PCDHA6: variants seen among roughly 807,000 people sequenced by gnomAD.
PCDHA6 encodes protocadherin alpha-6.
In PCDHA6, 55 loss-of-function variants were observed where a neutral mutation model predicts 60.3. The observed-to-expected ratio is 0.91, with a 90% CI of 0.73 to 1.14. The LOEUF is 1.14. Among genes scored for constraint, PCDHA6 ranks in the 50% most tolerant of loss-of-function variants. The pLI is 0.00. For missense variants in PCDHA6, 1,327 were observed against 1,256.5 expected (o/e 1.06, Z -0.85); for synonymous variants, 652 against 557.9 (o/e 1.17, Z -2.38).
At position 140,876,752 on chromosome 5, in the gene PCDHA6, C is replaced by G. The variant is rs374137138; in HGVS notation, c.2394+46267C>G. On this transcript the variant is annotated intron_variant, in intron 1 of 3. Coordinates refer to ENST00000529310, the MANE Select transcript of PCDHA6 (RefSeq NM_018909.4). ...TCGGCCTATGAGCTGGTGGTGACTGCGCGGGATGGGGGCTCGCCTTCGCTG... is the reference window on the plus strand; with the variant it reads ...TCGGCCTATGAGCTGGTGGTGACTGGGCGGGATGGGGGCTCGCCTTCGCTG... 1.4e-5 allele frequency: 23 copies of G among 1,614,194 alleles called. No homozygotes were observed. The African/African-American group carries it at 2.8e-4, about 20-fold the overall frequency.
At position 140,835,897 on chromosome 5, in the gene PCDHA6, C is replaced by G. The variant is rs2150247732; in HGVS notation, c.2394+5412C>G. The G allele has an allele frequency of 2.6e-5, 42 of 1,611,960 alleles. No homozygotes were observed. Among genetic ancestry groups the G allele is most frequent in the Middle Eastern group, 4.0e-4 (2 of 4,944 alleles). On this transcript the variant is annotated intron_variant, in intron 1 of 3. Coordinates refer to ENST00000529310, the MANE Select transcript of PCDHA6 (RefSeq NM_018909.4). ...CTGCGGGTGGGCGAGCGCGCGCTGT[C>G]GAGCTACGTGTCAGTGCACGCGGAG...
intron 1 of PCDHA6, among the ~76,000 whole-genome samples, chr5:140,958,652 G>C (rs991773774): frequency 6.6e-6 from 1 of 152,030 alleles, no homozygotes; most frequent in East Asian, 1.9e-4. Context: ...ATCACAGAAA[G>C]CTATGATGAA....
At chr5:140,903,616 T>C (rs1053634742) in intron 1 of PCDHA6, among the ~76,000 whole-genome samples, 72 of 152,338 alleles carry the variant, frequency 4.7e-4, no homozygotes, top group African/African-American at 1.7e-3. Context: ...CACATGAATG[T>C]GCATGCATAT....
chr5:141,005,034 T>C (rs1435712039), intron 3 of PCDHA6, among the ~76,000 whole-genome samples: 1 of 152,222 alleles, frequency 6.6e-6, no homozygotes, highest in Non-Finnish European at 1.5e-5. Flanking sequence ...ATTGCCCATA[T>C]GTGATACCAT....
rs1554132709 is a variant in PCDHA6 at position 140,830,285 on chromosome 5, T to G, written c.2194T>G (p.Cys732Gly). The G allele has an allele frequency of 6.2e-7, 1 of 1,613,564 alleles. No homozygotes were observed. Among genetic ancestry groups the G allele is most frequent in the South Asian group, 1.1e-5 (1 of 90,996 alleles). The change falls in exon 1 of 4, where the codon TGC (cysteine) becomes GGC (glycine). Residue 732 changes from cysteine (C) to glycine (G), a missense_variant. Transcript: ENST00000529310. ...CTCGGCGCCACCCACCGAGGGCGCGTGCACGGCGGACAAGCCCACGCTGGT... is the reference window on the plus strand; with the variant it reads ...CTCGGCGCCACCCACCGAGGGCGCGGGCACGGCGGACAAGCCCACGCTGGT... ...RCSAPPTEGA[C>G]TADKPTLVCS...
chr5:140,849,973 C>G, intron 1 of PCDHA6: 1 of 1,597,728 alleles, frequency 6.3e-7, no homozygotes, highest in Non-Finnish European at 8.6e-7. Context: ...GTGTCCTACT[C>G]GCTGGTGGAG....
intron 1 of PCDHA6, among the ~76,000 whole-genome samples, chr5:140,915,190 G>T (rs1317793585): frequency 1.3e-5 from 2 of 151,978 alleles, no homozygotes; most frequent in African/African-American, 4.8e-5. Flanking sequence ...CTAGTGATCC[G>T]CCCATCTTGG....
At chr5:140,882,909 C>A in intron 1 of PCDHA6, 2 of 1,614,172 alleles carry the variant, frequency 1.2e-6, no homozygotes, top group Non-Finnish European at 1.7e-6. Context: ...TTACTGACAG[C>A]CAGTGATGGA....
At chr5:140,905,021 G>A (rs1443702216) in intron 1 of PCDHA6, among the ~76,000 whole-genome samples, 1 of 152,078 alleles carries the variant, frequency 6.6e-6, no homozygotes, top group African/African-American at 2.4e-5. Flanking sequence ...TCTTTTCTAT[G>A]CAGAAGCTTT....
intron 1 of PCDHA6, among the ~76,000 whole-genome samples, chr5:140,855,480 A>G (rs567213059): frequency 6.7e-6 from 1 of 149,976 alleles, no homozygotes; most frequent in South Asian, 2.1e-4. Context: ...GATGCTTGAC[A>G]TTAGTGTCTA....
intron 1 of PCDHA6, among the ~76,000 whole-genome samples, chr5:140,942,069 A>G (rs1384507706): frequency 1.3e-5 from 2 of 152,234 alleles, no homozygotes; most frequent in Non-Finnish European, 2.9e-5. Flanking sequence ...TAATTGAGCC[A>G]AGAGAGCACA....
At chr5:140,877,656 C>G (rs782196097) in intron 1 of PCDHA6, 6 of 1,613,560 alleles carry the variant, frequency 3.7e-6, no homozygotes, top group Non-Finnish European at 5.1e-6. Flanking sequence ...CGCCGCCCAC[C>G]GTGAGCCGGT....
At chr5:140,883,417 A>C in intron 1 of PCDHA6, 3 of 1,614,146 alleles carry the variant, frequency 1.9e-6, no homozygotes, top group Non-Finnish European at 2.5e-6. Flanking sequence ...GCTCAAATGG[A>C]CAGGTCACCT....
intron 3 of PCDHA6, among the ~76,000 whole-genome samples, chr5:141,000,533 T>G (rs1554257655): frequency 3.4e-5 from 5 of 147,384 alleles, no homozygotes; most frequent in Admixed American, 1.4e-4. Context: ...GTTCAAGTGA[T>G]TCTCATGCCT....
intron 1 of PCDHA6, among the ~76,000 whole-genome samples, chr5:140,951,667 C>T (rs180768474): frequency 6.6e-6 from 1 of 152,156 alleles, no homozygotes; most frequent in African/African-American, 2.4e-5. Context: ...GGCCTGCCTA[C>T]AAAATTGGGG....
intron 1 of PCDHA6, among the ~76,000 whole-genome samples, chr5:140,909,254 G>A (rs915513119): frequency 6.6e-6 from 1 of 152,334 alleles, no homozygotes; most frequent in East Asian, 1.9e-4. Context: ...TGCTGGCCTT[G>A]CTGACTGAAG....
At chr5:140,871,596 C>A in intron 1 of PCDHA6, 1 of 1,453,960 alleles carries the variant, frequency 6.9e-7, no homozygotes. Context: ...TATGAATAAC[C>A]AGTGTTTTGA....
Position 140,866,315 on chromosome 5 carries a change from A to C in PCDHA6, c.2394+35830A>C, listed in dbSNP as rs529442584. On this transcript the variant is annotated intron_variant, in intron 1 of 3. Transcript: ENST00000529310. ...GTATAGATGTTGATATTATTATTTC[A>C]GGGACCCTGAACTTGGCCAAAGGAT... The C allele has an allele frequency of 2.6e-5, 4 of 152,278 alleles. No individual in the cohort carries two copies. The East Asian group carries it at 7.7e-4, about 29-fold the overall frequency. 9.4% of individuals were successfully genotyped at this position (152,278 alleles called of 1,614,324 possible).
rs2150164613 is a variant in PCDHA6, at chr5:140,829,246, G to T, written c.1155G>T (p.Val385=). 6.2e-7 allele frequency: 1 copy of T among 1,614,268 alleles called. No individual in the cohort carries two copies. The highest frequency in any genetic ancestry group is 1.7e-5 in the Admixed American group (1 of 60,028). The stretch of plus-strand genomic sequence containing the variant: ...TCGATTCAGGTGCCAACGGGCAGGT[G>T]AACTGCTCGCTGACGCCTCACGTCC... ...NDLDSGANGQ[V]NCSLTPHVPF... Residue 385 remains valine, a synonymous_variant, in exon 1 of 4, where the codon GTG becomes GTT. Coordinates refer to ENST00000529310, the MANE Select transcript of PCDHA6 (RefSeq NM_018909.4).
Sources: allele counts gnomAD v4.1 joint callset (sites outside exome capture counted in the v4.1 genomes callset), GRCh38; gene constraint gnomAD v4.1.1; transcripts MANE v1.5; gene names NCBI Gene and HGNC (gene_info 2026-07-23, HGNC 2026-07-21).